The following ACSM1 variants were observed in gnomAD, a reference collection of about 807,000 sequenced individuals.
ACSM1 encodes the protein acyl-coenzyme A synthetase ACSM1, mitochondrial.
A neutral mutation model predicts 75.8 loss-of-function variants in ACSM1; 79 were observed. That is an observed-to-expected ratio of 1.04 (90% CI 0.87 to 1.26). The LOEUF (loss-of-function observed/expected upper bound fraction) is 1.26. Ranked by LOEUF, ACSM1 falls within the 50% of genes most tolerant of loss-of-function variation. The pLI, the probability that ACSM1 is intolerant of heterozygous loss-of-function variation, is 0.00. For missense variants in ACSM1, 676 were observed against 720.1 expected (o/e 0.94, Z 0.70); for synonymous variants, 279 against 265.8 (o/e 1.05, Z -0.48).
rs1463655637 is a variant in ACSM1, at chr16:20,672,979, T to C, written c.612-1308A>G. Among the ~76,000 whole-genome samples, 9 of 142,016 alleles carry C rather than the reference T, an allele frequency of 6.3e-5. No homozygotes were observed. In the Admixed American group the frequency reaches 6.5e-4, roughly 10 times the overall value. 93.2% of individuals were successfully genotyped at this position (142,016 alleles called of 152,430 possible). A position where few individuals can be genotyped will look rare whatever the true frequency, so the allele number is the denominator to read the frequency against. On this transcript the variant is annotated intron_variant, in intron 4 of 13. Transcript: ENST00000520010. ...ATATCTCATATATAAAATTTATATA[T>C]AAAATTATACATAAATATATAAAAT...
At chr16:20,675,197 A>C (rs889746183) in intron 4 of ACSM1, among the ~76,000 whole-genome samples, 1 of 152,048 alleles carries the variant, frequency 6.6e-6, no homozygotes, top group Non-Finnish European at 1.5e-5. Flanking sequence ...GAATCTAACT[A>C]GGCTCACCCG....
At chr16:20,676,176 G>GTCAGGGAGGGTGTC (rs1340706101) in intron 4 of ACSM1, 1 of 152,366 alleles carries the variant, frequency 6.6e-6, no homozygotes, top group Non-Finnish European at 1.5e-5. Flanking sequence ...GGCTGGAAAA[G>GTCAGGGAGGGTGTC]TCAGGGAGGG....
chr16:20,652,123 C>T (rs1466370795), intron 7 of ACSM1, among the ~76,000 whole-genome samples: 2 of 151,916 alleles, frequency 1.3e-5, no homozygotes, highest in African/African-American at 2.4e-5. Flanking sequence ...CTATAAAAAT[C>T]GTTAATAGAA....
intron 7 of ACSM1, among the ~76,000 whole-genome samples, chr16:20,646,934 C>T (rs944389647): frequency 6.6e-6 from 1 of 152,210 alleles, no homozygotes; most frequent in Non-Finnish European, 1.5e-5. Context: ...AGAGCATTTG[C>T]TTGTGTCTCT....
intron 1 of ACSM1, among the ~76,000 whole-genome samples, chr16:20,692,973 A>G (rs2079668668): frequency 6.6e-6 from 1 of 152,020 alleles, no homozygotes; most frequent in African/African-American, 2.4e-5. Context: ...GTTTGAGACC[A>G]TCCTGGCTAA....
At chr16:20,670,884 C>A (rs2019857218) in intron 5 of ACSM1, among the ~76,000 whole-genome samples, 1 of 152,174 alleles carries the variant, frequency 6.6e-6, no homozygotes, top group African/African-American at 2.4e-5. Context: ...GCTCCATATT[C>A]TGTTTAATAT....
intron 6 of ACSM1, among the ~76,000 whole-genome samples, chr16:20,668,616 C>T (rs986361944): frequency 2.0e-5 from 3 of 152,230 alleles, no homozygotes; most frequent in Admixed American, 6.5e-5. Context: ...GAAGACTAGA[C>T]CCTAGGTACA....
chr16:20,661,574 T>C (rs892416657), intron 7 of ACSM1, among the ~76,000 whole-genome samples: 1 of 152,194 alleles, frequency 6.6e-6, no homozygotes, highest in Admixed American at 6.6e-5. Context: ...AACTGAAATG[T>C]TTAAAAAGGA....
intron 10 of ACSM1, 134 bp from the exon 11 acceptor site, chr16:20,627,450 A>G: frequency 9.6e-7 from 1 of 1,044,214 alleles, no homozygotes. Context: ...GCCATTTCTG[A>G]GTCTATTTTC....
At chr16:20,694,125 C>T (rs1046678594) in intron 1 of ACSM1, among the ~76,000 whole-genome samples, 4 of 152,216 alleles carry the variant, frequency 2.6e-5, no homozygotes, top group African/African-American at 7.2e-5. Context: ...CAGCATTTCA[C>T]GAGTTACTTC....
chr16:20,690,845 G>T, intron 2 of ACSM1, 152 bp downstream of exon 2: 1 of 684,360 alleles, frequency 1.5e-6, no homozygotes, highest in South Asian at 2.5e-5. Flanking sequence ...GGCCAGGCTG[G>T]GAATAGAACC....
Position 20,623,508 on chromosome 16 carries a change from T to C in ACSM1, c.1712A>G (p.Lys571Arg). The C allele has an allele frequency of 6.2e-7, 1 of 1,614,146 alleles. No homozygotes were observed. ...TGKIERKELR[K>R]KETGQM is the part of the protein sequence containing the mutation. ...CGATTACATCTGACCAGTCTCCTTT[T>C]TCCGAAGTTCCTTCCGTTCAATCTT... is the stretch of plus-strand genomic sequence containing the variant. The change falls in exon 14 of 14, where the codon AAA becomes AGA. Residue 571 changes from lysine (K) to arginine (R), a missense_variant. Lys to Arg is a conservative substitution (Grantham distance 26). Coordinates refer to ENST00000520010, the MANE Select transcript of ACSM1 (RefSeq NM_001318890.3).
In ACSM1 at chr16:20,623,297, CA is replaced by C; in HGVS notation, c.*188del. On this transcript the variant is annotated 3_prime_UTR_variant, in exon 14 of 14. Coordinates refer to ENST00000520010, the MANE Select transcript of ACSM1 (RefSeq NM_001318890.3). ...GCTCACCTGGGAAATTCTAAAGATA[CA>C]GAGGACTTGGAGGAAGCAGAGCAAC... 1.8e-6 allele frequency: 1 copy of C among 570,772 alleles called. No homozygotes were observed. Among genetic ancestry groups the C allele is most frequent in the Non-Finnish European group, 3.1e-6 (1 of 319,178 alleles). The allele number at this position is 570,772 out of a possible 1,614,324, so 35.4% of individuals were successfully genotyped here. A position where few individuals can be genotyped will look rare whatever the true frequency, so the allele number is the denominator to read the frequency against.
chr16:20,627,329 G>T lies in ACSM1; in HGVS notation c.1300-13C>A, dbSNP rs138926193. Reference sequence around the variant, plus strand: ...TCTCTGGGTCACCCTGCAAAAAGAAGAGAGCTCCTTTGTTGAAGGCAGTGA... The same window carrying T: ...TCTCTGGGTCACCCTGCAAAAAGAATAGAGCTCCTTTGTTGAAGGCAGTGA... On this transcript the variant is annotated splice_polypyrimidine_tract_variant and intron_variant, in intron 10 of 13. Transcript: ENST00000520010. 1.9e-6 allele frequency: 3 copies of T among 1,559,408 alleles called. No homozygotes were observed. The highest frequency in any genetic ancestry group is 1.7e-6 in the Non-Finnish European group (2 of 1,158,796).
chr16:20,640,534 A>G lies in ACSM1; in HGVS notation c.1043T>C (p.Leu348Ser), dbSNP rs1348555240. Residue 348 changes from leucine (L) to serine (S), a missense_variant, in exon 8 of 14, where the codon TTG becomes TCG. By Grantham distance (145) the Leu-to-Ser change is moderately radical. Coordinates refer to ENST00000520010, the MANE Select transcript of ACSM1 (RefSeq NM_001318890.3). ...EHCYTGGEVV[L>S]PKDQEEWKRR... Reference sequence around the variant, plus strand: ...TTTCCACTCCTCCTGATCCTTGGGCAACACGACCTCCCCGCCAGTATAGCA... The same window carrying G: ...TTTCCACTCCTCCTGATCCTTGGGCGACACGACCTCCCCGCCAGTATAGCA... 1.2e-6 allele frequency: 2 copies of G among 1,614,168 alleles called. No individual in the cohort carries two copies. Among genetic ancestry groups the G allele is most frequent in the Non-Finnish European group, 8.5e-7 (1 of 1,180,010 alleles).
chr16:20,687,210 G>A (rs2079569964), intron 2 of ACSM1, among the ~76,000 whole-genome samples: 2 of 152,100 alleles, frequency 1.3e-5, no homozygotes, highest in African/African-American at 2.4e-5. Context: ...GATGTTGGGG[G>A]TCTCTGAAAG....
chr16:20,676,221 T>C (rs163256), intron 4 of ACSM1: 127,716 of 152,240 alleles, frequency 0.84, 54,320 homozygotes, highest in African/African-American at 0.96. Flanking sequence ...GTTATGCTTA[T>C]GCCTCTTAAG....
chr16:20,676,733 T>C (rs771798418), intron 4 of ACSM1, among the ~76,000 whole-genome samples: 32 of 152,154 alleles, frequency 2.1e-4, no homozygotes, highest in Middle Eastern at 3.2e-3. Flanking sequence ...AAAAGGCTGG[T>C]TTGGACAGGA....
chr16:20,658,411 G>A (rs2019100528), intron 7 of ACSM1, among the ~76,000 whole-genome samples: 1 of 151,922 alleles, frequency 6.6e-6, no homozygotes, highest in Non-Finnish European at 1.5e-5. Context: ...GTCTTCTCTT[G>A]AGAAGTGTCT....
Sources: gnomAD v4.1 joint callset for allele counts (sites outside exome capture counted in the v4.1 genomes callset) on GRCh38, gnomAD v4.1.1 for gene constraint, MANE v1.5 for transcripts, NCBI Gene and HGNC (gene_info 2026-07-23, HGNC 2026-07-21) for gene names.